Variants in AIF1L observed in about 807,000 individuals in gnomAD.
The protein encoded by AIF1L is allograft inflammatory factor 1-like.
In AIF1L, 12 loss-of-function variants were observed where a neutral mutation model predicts 20.7. The ratio of observed to expected loss-of-function variants is 0.58; its 90% CI spans 0.37 to 0.94. The LOEUF is 0.94. Ranked by LOEUF, AIF1L falls within the 40% of genes least tolerant of loss-of-function variation. The pLI, the probability that AIF1L is intolerant of heterozygous loss-of-function variation, is 0.01. For missense variants in AIF1L, 173 were observed against 185.3 expected, an observed-to-expected ratio of 0.93 and a Z score of 0.39; for synonymous variants, 76 against 65.1, an observed-to-expected ratio of 1.17 and a Z score of -0.81.
chr9:131,101,313 G>A lies in AIF1L; in HGVS notation c.93+4450G>A, dbSNP rs540315266. Among the ~76,000 whole-genome samples the A allele has an allele frequency of 3.7e-3, 559 of 152,218 alleles. 1 individual carries two copies. Among genetic ancestry groups the A allele is most frequent in the South Asian group, 6.6e-3 (32 of 4,820 alleles). The stretch of plus-strand genomic sequence containing the variant: ...ACCCCAGCAGACAGATGCACAGTGA[G>A]AATCTGCAGACAGCCCCATGGGATA... On this transcript the variant is annotated intron_variant, in intron 2 of 5. Transcript: ENST00000247291.
In AIF1L at chr9:131,121,081, A is replaced by G. The variant is rs1231517508; in HGVS notation, c.*759A>G. On this transcript the variant is annotated 3_prime_UTR_variant, in exon 6 of 6. Coordinates refer to ENST00000247291, the MANE Select transcript of AIF1L (RefSeq NM_031426.4). ...AGTGAGGCCTGGGGTTTTGGGGGAA[A>G]GGTCAGCTCAGTGCTGTTCCACCTT... The G allele has an allele frequency of 2.8e-6, 2 of 712,176 alleles. No individual in the cohort carries two copies. The highest frequency in any genetic ancestry group is 4.6e-4 in the Middle Eastern group (2 of 4,332). 44.1% of individuals were successfully genotyped at this position (712,176 alleles called of 1,614,324 possible).
chr9:131,111,940 A>G (rs527924243), intron 3 of AIF1L: 157 of 482,636 alleles, frequency 3.3e-4, no homozygotes, highest in African/African-American at 3.0e-3. Context: ...CACGGGGCTC[A>G]GGCTGGTTCC....
intron 4 of AIF1L, among the ~76,000 whole-genome samples, chr9:131,117,177 C>T (rs1000292726): frequency 6.6e-5 from 10 of 152,202 alleles, no homozygotes; most frequent in Non-Finnish European, 1.0e-4. Context: ...ATATTTTTGG[C>T]ATCCTCTCCC....
At position 131,120,382 on chromosome 9, in the gene AIF1L, C is replaced by T; in HGVS notation, c.*60C>T. ...ATACCTCCCTCCCGATCTTGCTGCCCTTCTTGACACACTGTGATCTCTCTC... is the reference window on the plus strand; with the variant it reads ...ATACCTCCCTCCCGATCTTGCTGCCTTTCTTGACACACTGTGATCTCTCTC... On this transcript the variant is annotated 3_prime_UTR_variant, in exon 6 of 6. Transcript: ENST00000247291. The T allele has an allele frequency of 7.5e-7, 1 of 1,329,642 alleles. No individual in the cohort carries two copies. The allele number at this position is 1,329,642 out of a possible 1,614,324, so 82.4% of individuals were successfully genotyped here.
intron 4 of AIF1L, among the ~76,000 whole-genome samples, chr9:131,115,422 C>A (rs563253854): frequency 7.7e-6 from 1 of 130,704 alleles, no homozygotes; most frequent in South Asian, 2.4e-4. Flanking sequence ...TGCACTCCAG[C>A]CTGGGTGACA....
Position 131,119,151 on chromosome 9 carries a change from T to C in AIF1L, c.366-1084T>C, listed in dbSNP as rs944056595. On this transcript the variant is annotated intron_variant, in intron 5 of 5. Transcript: ENST00000247291. ...GTAGCACATTGTGGGTGCTGCCCCA[T>C]TGAAGAGCGTTACAGCATTGCCCCA... 5.3e-5 allele frequency among the ~76,000 whole-genome samples: 7 copies of C among 133,104 alleles called. No homozygotes were observed. In the South Asian group the frequency reaches 1.6e-3, roughly 31 times the overall value. The allele number at this position is 133,104 out of a possible 152,430, so 87.3% of individuals were successfully genotyped here.
chr9:131,105,746 C>G (rs948285770), intron 2 of AIF1L, among the ~76,000 whole-genome samples: 8 of 152,012 alleles, frequency 5.3e-5, no homozygotes, highest in Non-Finnish European at 1.2e-4. Context: ...GCTGCCTGAT[C>G]GTTGCAGGGG....
chr9:131,103,247 G>A (rs1018902458), intron 2 of AIF1L, among the ~76,000 whole-genome samples: 3 of 152,216 alleles, frequency 2.0e-5, no homozygotes, highest in Non-Finnish European at 4.4e-5. Context: ...CAGGTTGGAT[G>A]GCCCATCACT....
intron 2 of AIF1L, among the ~76,000 whole-genome samples, chr9:131,098,502 G>A (rs1042659396): frequency 6.6e-6 from 1 of 152,164 alleles, no homozygotes; most frequent in Non-Finnish European, 1.5e-5. Flanking sequence ...TTCTGAGCTG[G>A]CTGGAGCCAC....
intron 2 of AIF1L, among the ~76,000 whole-genome samples, chr9:131,105,901 C>CT: frequency 6.6e-6 from 1 of 150,808 alleles, no homozygotes; most frequent in African/African-American, 2.4e-5. Context: ...TCATTGCAGC[C>CT]TTCACCTCCT....
chr9:131,113,073 G>A (rs1428982812), intron 3 of AIF1L, among the ~76,000 whole-genome samples: 1 of 152,088 alleles, frequency 6.6e-6, no homozygotes, highest in Non-Finnish European at 1.5e-5. Context: ...TCGGGGGGCG[G>A]TGTGAGAGGT....
chr9:131,116,911 G>A (rs768994921), intron 4 of AIF1L, among the ~76,000 whole-genome samples: 108 of 152,228 alleles, frequency 7.1e-4, no homozygotes, highest in Non-Finnish European at 3.4e-4. Context: ...TGGCACCTTT[G>A]GGCCTGGCCC....
At chr9:131,103,977 C>T (rs1047674415) in intron 2 of AIF1L, among the ~76,000 whole-genome samples, 22 of 152,330 alleles carry the variant, frequency 1.4e-4, no homozygotes, top group South Asian at 1.2e-3. Context: ...GCAAGCTGAA[C>T]GCTGTGAGGA....
intron 2 of AIF1L, among the ~76,000 whole-genome samples, chr9:131,102,514 G>T (rs73658924): frequency 0.016 from 2,501 of 152,314 alleles, 78 homozygotes; most frequent in African/African-American, 0.058. Context: ...AGCCTCTGAG[G>T]ATTCAGTGTC....
intron 4 of AIF1L, among the ~76,000 whole-genome samples, chr9:131,115,449 C>A (rs79437792): frequency 2.1e-3 from 127 of 60,388 alleles, no homozygotes; most frequent in South Asian, 4.2e-3. Context: ...GATTCTGTCT[C>A]AAAAAAAAAA....
At position 131,120,331 on chromosome 9, in the gene AIF1L, C is replaced by T. The variant is rs746335258; in HGVS notation, c.*9C>T. Reference sequence around the variant, plus strand: ...TTGCTAGCCTGCCCTGAGGACCCCGCCTGGACTCCCCAGCCTTCCCACCCC... The same window carrying T: ...TTGCTAGCCTGCCCTGAGGACCCCGTCTGGACTCCCCAGCCTTCCCACCCC... On this transcript the variant is annotated 3_prime_UTR_variant, in exon 6 of 6. Transcript: ENST00000247291. The T allele has an allele frequency of 3.1e-6, 5 of 1,604,292 alleles. No homozygotes were observed. Among genetic ancestry groups the T allele is most frequent in the South Asian group, 1.1e-5 (1 of 89,972 alleles).
At chr9:131,102,204 C>T (rs1481177566) in intron 2 of AIF1L, among the ~76,000 whole-genome samples, 1 of 152,124 alleles carries the variant, frequency 6.6e-6, no homozygotes, top group East Asian at 1.9e-4. Context: ...TGAGCCACTG[C>T]ACCTGGCCCC....
rs148225464 is a variant in AIF1L, at chr9:131,109,939, G to A, written c.94-1658G>A. ...TAATAGTAGCTACTGGCCGGGCGCC[G>A]TGGCTCACACCTGTAATCCCAGCAC... On this transcript the variant is annotated intron_variant, in intron 2 of 5. Coordinates refer to ENST00000247291, the MANE Select transcript of AIF1L (RefSeq NM_031426.4). Among the ~76,000 whole-genome samples the A allele has an allele frequency of 4.1e-3, 618 of 152,292 alleles. 5 individuals carry two copies. Among genetic ancestry groups the A allele is most frequent in the African/African-American group, 0.014 (591 of 41,560 alleles).
At position 131,120,552 on chromosome 9, in the gene AIF1L, T is replaced by G; in HGVS notation, c.*230T>G. On this transcript the variant is annotated 3_prime_UTR_variant, in exon 6 of 6. Transcript: ENST00000247291. ...CCTCTCTTCTTCCCTCCTTCCCCGCTCCCTGTGCAGAAGGGCTGACATCAA... is the reference window on the plus strand; with the variant it reads ...CCTCTCTTCTTCCCTCCTTCCCCGCGCCCTGTGCAGAAGGGCTGACATCAA... The G allele has an allele frequency of 2.1e-6, 1 of 480,682 alleles. No individual in the cohort carries two copies. The highest frequency in any genetic ancestry group is 3.7e-6 in the Non-Finnish European group (1 of 272,134). 29.8% of individuals were successfully genotyped at this position (480,682 alleles called of 1,614,324 possible).
Sources: allele counts gnomAD v4.1 joint callset (sites outside exome capture counted in the v4.1 genomes callset), GRCh38; gene constraint gnomAD v4.1.1; transcripts MANE v1.5; gene names NCBI Gene and HGNC (gene_info 2026-07-23, HGNC 2026-07-21).